The following ZNF813 variants were observed in gnomAD, a reference collection of about 807,000 sequenced individuals.
The protein encoded by ZNF813 is zinc finger protein 813.
A neutral mutation model predicts 7.2 loss-of-function variants in ZNF813; 3 were observed. The observed-to-expected ratio is 0.42, with a 90% CI of 0.19 to 1.08. The LOEUF is 1.08. Among genes scored for constraint, ZNF813 ranks in the 50% least tolerant of loss-of-function variants. The pLI, the probability that ZNF813 is intolerant of heterozygous loss-of-function variation, is 0.30. For synonymous variants in ZNF813, 227 were observed against 256.3 expected, an observed-to-expected ratio of 0.89 and a Z score of 1.09; for missense variants, 714 against 753.3, an observed-to-expected ratio of 0.95 and a Z score of 0.61.
intron 3 of ZNF813, among the ~76,000 whole-genome samples, chr19:53,487,066 C>T (rs1256821451): frequency 6.6e-6 from 1 of 150,608 alleles, no homozygotes; most frequent in East Asian, 2.0e-4. Context: ...AGAGATCCTC[C>T]TCAGCCTCCT....
In ZNF813 at chr19:53,491,375, AC is replaced by A. The variant is rs748234474; in HGVS notation, c.1145del (p.Pro382LeufsTer15). On this transcript the variant is annotated frameshift_variant, in exon 4 of 4. Transcript: ENST00000396403. LOFTEE classifies it low-confidence loss of function (END_TRUNC). ...CHHRLHTGEK[P>X]YKCNECGKTF... Reference sequence around the variant, plus strand: ...ATCATAGACTTCATACGGGAGAGAAACCTTATAAGTGTAATGAATGTGGCAA... The same window carrying A: ...ATCATAGACTTCATACGGGAGAGAAACTTATAAGTGTAATGAATGTGGCAA... 2 of 1,613,186 alleles carry A rather than the reference AC, an allele frequency of 1.2e-6. No homozygotes were observed. Among genetic ancestry groups the A allele is most frequent in the South Asian group, 2.2e-5 (2 of 90,982 alleles).
At chr19:53,490,334 C>G (rs1299497600) in intron 3 of ZNF813, 41 bp from the exon 4 acceptor site, 1 of 1,594,688 alleles carries the variant, frequency 6.3e-7, no homozygotes, top group African/African-American at 1.4e-5. Context: ...TATTTACCAT[C>G]TGTACTGAAC....
At chr19:53,469,025 G>A (rs1309761247) in intron 1 of ZNF813, among the ~76,000 whole-genome samples, 1 of 152,176 alleles carries the variant, frequency 6.6e-6, no homozygotes, top group Non-Finnish European at 1.5e-5. Context: ...GGTCCCTGCG[G>A]CTTTCCGCAG....
chr19:53,471,685 A>G (rs1490154254), intron 1 of ZNF813, among the ~76,000 whole-genome samples: 2 of 151,830 alleles, frequency 1.3e-5, no homozygotes, highest in South Asian at 2.1e-4. Context: ...GGTGGCGGGC[A>G]CCTGTAGTCC....
At chr19:53,481,583 A>T (rs887385150) in intron 1 of ZNF813, among the ~76,000 whole-genome samples, 1 of 151,944 alleles carries the variant, frequency 6.6e-6, no homozygotes, top group African/African-American at 2.4e-5. Flanking sequence ...TCCTGACCTC[A>T]GGTGATCTAC....
Position 53,492,659 on chromosome 19 carries a change from C to T in ZNF813, c.*573C>T, listed in dbSNP as rs578105989. Reference sequence around the variant, plus strand: ...ATGATTGTCACCAAGTCTTCAGTAACGCTACAACCATTGCAAATCATTGGA... The same window carrying T: ...ATGATTGTCACCAAGTCTTCAGTAATGCTACAACCATTGCAAATCATTGGA... On this transcript the variant is annotated 3_prime_UTR_variant, in exon 4 of 4. Transcript: ENST00000396403. The T allele has an allele frequency of 6.5e-5, 53 of 817,674 alleles. 1 individual carries two copies. The highest frequency in any genetic ancestry group is 4.7e-4 in the South Asian group (36 of 77,222). 50.7% of individuals were successfully genotyped at this position (817,674 alleles called of 1,614,324 possible). A position where few individuals can be genotyped will look rare whatever the true frequency, so the allele number is the denominator to read the frequency against.
Position 53,491,376 on chromosome 19 carries a change from CCTT to C in ZNF813, c.1145_1147del (p.Pro382_Tyr383delinsHis). ...TCATAGACTTCATACGGGAGAGAAA[CCTT>C]ATAAGTGTAATGAATGTGGCAAGAC... On this transcript the variant is annotated inframe_deletion, in exon 4 of 4. Coordinates refer to ENST00000396403, the MANE Select transcript of ZNF813 (RefSeq NM_001004301.4). 2 of 1,613,108 alleles carry C rather than the reference CCTT, an allele frequency of 1.2e-6. No homozygotes were observed. Among genetic ancestry groups the C allele is most frequent in the Non-Finnish European group, 1.7e-6 (2 of 1,179,398 alleles).
chr19:53,482,434 G>A (rs2086412787), intron 1 of ZNF813, among the ~76,000 whole-genome samples: 1 of 152,148 alleles, frequency 6.6e-6, no homozygotes, highest in South Asian at 2.1e-4. Flanking sequence ...CCTCCTCCTG[G>A]GAGCTTGCCC....
chr19:53,470,808 A>G (rs574360608), intron 1 of ZNF813, among the ~76,000 whole-genome samples: 9 of 151,898 alleles, frequency 5.9e-5, no homozygotes, highest in African/African-American at 2.2e-4. Context: ...TAAACTTTCT[A>G]CATACTCCTC....
Position 53,486,713 on chromosome 19 carries a change from T to C in ZNF813, c.97T>C (p.Tyr33His). The change falls in exon 3 of 4, where the codon TAC becomes CAC. Residue 33 changes from tyrosine (Y) to histidine (H), a missense_variant. Physicochemically the swap from Tyr to His is moderately conservative, Grantham distance 83. This residue lies in a region of ZNF813 where 29 missense variants were observed against 52.3 expected (regional missense o/e 0.55). Transcript: ENST00000396403. ...CCTGGACCCTGCTCAGAGGACTCTATACAGGGACGTGATGCTGGAGAATTA... is the reference window on the plus strand; with the variant it reads ...CCTGGACCCTGCTCAGAGGACTCTACACAGGGACGTGATGCTGGAGAATTA... ...KCLDPAQRTL[Y>H]RDVMLENYRN... The C allele has an allele frequency of 6.2e-7, 1 of 1,614,084 alleles. No individual in the cohort carries two copies. Among genetic ancestry groups the C allele is most frequent in the Non-Finnish European group, 8.5e-7 (1 of 1,179,948 alleles).
At chr19:53,488,336 A>T in intron 3 of ZNF813, 2 of 419,190 alleles carry the variant, frequency 4.8e-6, no homozygotes, top group Admixed American at 2.7e-5. Context: ...CTGTCTTTTA[A>T]TTTACCTTTA....
intron 1 of ZNF813, among the ~76,000 whole-genome samples, chr19:53,478,638 C>T (rs1034100202): frequency 2.6e-5 from 4 of 151,976 alleles, no homozygotes; most frequent in East Asian, 1.9e-4. Flanking sequence ...GTTAGGCAGG[C>T]GTGGTGGTGT....
Position 53,479,365 on chromosome 19 carries a change from A to G in ZNF813, c.-73-4385A>G, listed in dbSNP as rs2086396718. On this transcript the variant is annotated intron_variant, in intron 1 of 3. Coordinates refer to ENST00000396403, the MANE Select transcript of ZNF813 (RefSeq NM_001004301.4). ...GGTGGGCACCATGGCTGGGATCACC[A>G]CCATCGAGGCAGTGAAGCGCAAGAT... The G allele has an allele frequency of 2.5e-6, 4 of 1,590,638 alleles. No homozygotes were observed. The Admixed American group carries it at 6.7e-5, about 27-fold the overall frequency.
intron 1 of ZNF813, among the ~76,000 whole-genome samples, chr19:53,470,162 T>C (rs1198411219): frequency 3.9e-5 from 2 of 51,372 alleles, no homozygotes; most frequent in Non-Finnish European, 7.6e-5. Context: ...TCTTTCTTTT[T>C]CTTTTCTTTT....
Position 53,490,697 on chromosome 19 carries a change from G to A in ZNF813, c.465G>A (p.Gln155=). ...ATCTGCCTGAACTCCACATGTTTCA[G>A]ACCCAAGGGAAAATTGGTAATCAAG... is the stretch of plus-strand genomic sequence containing the variant. The part of the protein sequence containing the change: ...HSHLPELHMF[Q]TQGKIGNQVE... Residue 155 remains glutamine, a synonymous_variant, in exon 4 of 4, where the codon CAG becomes CAA. Coordinates refer to ENST00000396403, the MANE Select transcript of ZNF813 (RefSeq NM_001004301.4). The A allele has an allele frequency of 6.2e-7, 1 of 1,614,132 alleles. No individual in the cohort carries two copies. The highest frequency in any genetic ancestry group is 8.5e-7 in the Non-Finnish European group (1 of 1,180,024).
intron 1 of ZNF813, among the ~76,000 whole-genome samples, chr19:53,469,780 T>TGG (rs1448552009): frequency 2.7e-5 from 4 of 149,642 alleles, no homozygotes; most frequent in Admixed American, 6.7e-5. Flanking sequence ...CCTGGGGATC[T>TGG]AGGCTGCCAG....
Position 53,492,476 on chromosome 19 carries a change from G to T in ZNF813, c.*390G>T. ...AAACCATAAAATTGTAAGAGTTCGT[G>T]ACAAGGCTTTCGGGCATGACTCACA... On this transcript the variant is annotated 3_prime_UTR_variant, in exon 4 of 4. Coordinates refer to ENST00000396403, the MANE Select transcript of ZNF813 (RefSeq NM_001004301.4). The T allele has an allele frequency of 2.3e-6, 1 of 436,028 alleles. No homozygotes were observed. The allele number at this position is 436,028 out of a possible 1,614,324, so 27.0% of individuals were successfully genotyped here. A position where few individuals can be genotyped will look rare whatever the true frequency, so the allele number is the denominator to read the frequency against.
rs1568830690 is a variant in ZNF813 at position 53,482,706 on chromosome 19, C to CTTTTTTTTT, written c.-73-1039_-73-1038insTTTTTTTTT. ...CTCTGCATCAATCACATCAGGAATGCTTTTTGTTTTTTTTTTTTTTTTTTT... is the reference window on the plus strand; with the variant it reads ...CTCTGCATCAATCACATCAGGAATGCTTTTTTTTTTTTTTGTTTTTTTTTTTTTTTTTTT... On this transcript the variant is annotated intron_variant, in intron 1 of 3. Transcript: ENST00000396403. 4.4e-4 allele frequency among the ~76,000 whole-genome samples: 40 copies of CTTTTTTTTT among 91,500 alleles called. 2 individuals carry two copies. Among genetic ancestry groups the CTTTTTTTTT allele is most frequent in the African/African-American group, 1.4e-3 (37 of 25,742 alleles). The allele number at this position is 91,500 out of a possible 152,430, so 60.0% of individuals were successfully genotyped here. A position where few individuals can be genotyped will look rare whatever the true frequency, so the allele number is the denominator to read the frequency against.
At chr19:53,481,868 A>C (rs1288749290) in intron 1 of ZNF813, among the ~76,000 whole-genome samples, 1 of 152,204 alleles carries the variant, frequency 6.6e-6, no homozygotes, top group Non-Finnish European at 1.5e-5. Context: ...ATGCTTCTCT[A>C]ATTTTCAAGG....
Sources: allele counts gnomAD v4.1 joint callset (sites outside exome capture counted in the v4.1 genomes callset), GRCh38; gene constraint gnomAD v4.1.1; regional missense constraint gnomAD v4.1.1; transcripts MANE v1.5; gene names NCBI Gene and HGNC (gene_info 2026-07-23, HGNC 2026-07-21).